The following UNC79 variants were observed in gnomAD, a reference collection of about 807,000 sequenced individuals.
The protein encoded by UNC79 is unc-79 subunit of NALCN channel complex.
A neutral mutation model predicts 283.1 loss-of-function variants in UNC79; 37 were observed. That is an observed-to-expected ratio of 0.13 (90% CI 0.10 to 0.17). UNC79 has a LOEUF of 0.17. Ranked by LOEUF, UNC79 falls within the 10% of genes least tolerant of loss-of-function variation. The probability of loss-of-function intolerance (pLI) is 1.00; values close to 1 mark genes in which losing one functional copy is unlikely to be tolerated. For missense variants in UNC79, 2,272 were observed against 3,211.1 expected, an observed-to-expected ratio of 0.71 and a Z score of 7.07; for synonymous variants, 1,107 against 1,200.2, an observed-to-expected ratio of 0.92 and a Z score of 1.61.
Position 93,340,799 on chromosome 14 carries a change from TG to T in UNC79, c.-351+7279del, listed in dbSNP as rs563425387. On this transcript the variant is annotated intron_variant, in intron 1 of 49. Coordinates refer to the UNC79 transcript ENST00000256339. The stretch of plus-strand genomic sequence containing the variant: ...GTTGCCCAGGCTGGTCTCAATCTCC[TG>T]GGCTCAAGCAATCTGCCCATCTCAG... Among the ~76,000 whole-genome samples, 1,431 of 152,210 alleles carry T rather than the reference TG, an allele frequency of 9.4e-3. 28 individuals carry two copies. Among genetic ancestry groups the T allele is most frequent in the African/African-American group, 0.033 (1,371 of 41,512 alleles).
chr14:93,694,305 T>C (rs373159495), intron 46 of UNC79, 30 bp from the exon 50 acceptor site: 119 of 1,597,992 alleles, frequency 7.4e-5, no homozygotes, highest in Non-Finnish European at 9.9e-5. Context: ...TCACTGGAAA[T>C]GGAATTAACT....
intron 12 of UNC79, 40 bp downstream of exon 12, chr14:93,538,258 A>G (rs2061181988): frequency 1.3e-6 from 2 of 1,494,036 alleles, no homozygotes; most frequent in Admixed American, 4.6e-5. Flanking sequence ...TGACAACTCC[A>G]CCTTGCTTTG....
chr14:93,372,588 G>A (rs773152254), intron 1 of UNC79, among the ~76,000 whole-genome samples: 9 of 152,308 alleles, frequency 5.9e-5, no homozygotes, highest in East Asian at 5.8e-4. Context: ...TGTGCATTAC[G>A]TAATGATAAA....
At chr14:93,700,508 C>T (rs2141041729) in intron 47 of UNC79, among the ~76,000 whole-genome samples, 1 of 152,012 alleles carries the variant, frequency 6.6e-6, no homozygotes, top group East Asian at 1.9e-4. Context: ...GATTTTTCTC[C>T]TCATTCGTGT....
intron 24 of UNC79, among the ~76,000 whole-genome samples, chr14:93,599,764 C>T (rs1340563730): frequency 6.6e-6 from 1 of 152,210 alleles, no homozygotes; most frequent in Non-Finnish European, 1.5e-5. Context: ...ATTCTATGTT[C>T]CACTCACATT....
intron 1 of UNC79, among the ~76,000 whole-genome samples, chr14:93,420,208 T>G (rs1243063919): frequency 6.7e-6 from 1 of 148,202 alleles, no homozygotes; most frequent in East Asian, 2.0e-4. Flanking sequence ...AATGATCTGT[T>G]GTCTACAAGA....
At chr14:93,479,133 A>G (rs1300893481) in intron 4 of UNC79, among the ~76,000 whole-genome samples, 1 of 152,036 alleles carries the variant, frequency 6.6e-6, no homozygotes. Flanking sequence ...ACTTAGGCAT[A>G]AGAATTTTTG....
intron 26 of UNC79, among the ~76,000 whole-genome samples, chr14:93,605,543 A>G (rs2065820498): frequency 6.6e-6 from 1 of 152,192 alleles, no homozygotes; most frequent in Non-Finnish European, 1.5e-5. Context: ...GGCATTGGCA[A>G]GGAGATTCCA....
chr14:93,706,022 G>C (rs2075856337), intron 48 of UNC79, among the ~76,000 whole-genome samples: 1 of 152,170 alleles, frequency 6.6e-6, no homozygotes, highest in Admixed American at 6.5e-5. Flanking sequence ...TGTGAAAAGA[G>C]AGTTTCTTGC....
At position 93,690,586 on chromosome 14, in the gene UNC79, G is replaced by A. The variant is rs937373447; in HGVS notation, c.7272+283G>A. Reference sequence around the variant, plus strand: ...GGCATTTCTGTCTCAAAATAATGAAGAGAAATAAAAGGCTAGAAATATAAT... The same window carrying A: ...GGCATTTCTGTCTCAAAATAATGAAAAGAAATAAAAGGCTAGAAATATAAT... On this transcript the variant is annotated intron_variant, in intron 45 of 48. Coordinates refer to ENST00000555664, the Ensembl canonical transcript of UNC79. The surrounding 1 kb of genome is among the most constrained non-coding windows in gnomAD (Gnocchi z 4.3). 2.8e-6 allele frequency: 1 copy of A among 360,524 alleles called. No homozygotes were observed. Among genetic ancestry groups the A allele is most frequent in the Non-Finnish European group, 5.0e-6 (1 of 201,768 alleles). The allele number at this position is 360,524 out of a possible 1,614,324, so 22.3% of individuals were successfully genotyped here.
chr14:93,464,474 C>G, intron 1 of UNC79: 1 of 454,728 alleles, frequency 2.2e-6, no homozygotes, highest in Admixed American at 2.4e-5. Flanking sequence ...ACCACGGAAA[C>G]GGCCTCATTT....
At chr14:93,464,758 C>G (rs2057097362) in intron 1 of UNC79, among the ~76,000 whole-genome samples, 1 of 152,106 alleles carries the variant, frequency 6.6e-6, no homozygotes, top group Non-Finnish European at 1.5e-5. Flanking sequence ...ATTATTCGAG[C>G]CTCCGCAGCA....
intron 14 of UNC79, among the ~76,000 whole-genome samples, chr14:93,546,268 G>A (rs1439298182): frequency 1.3e-5 from 2 of 152,130 alleles, no homozygotes; most frequent in Admixed American, 1.3e-4. Flanking sequence ...TTTTGGAGAA[G>A]GGCTACTATC....
intron 1 of UNC79, among the ~76,000 whole-genome samples, chr14:93,385,952 G>C (rs375195962): frequency 1.3e-5 from 2 of 151,918 alleles, no homozygotes; most frequent in East Asian, 3.9e-4. Flanking sequence ...TTCCAACTTG[G>C]ATGCCCTTTA....
chr14:93,366,720 G>A (rs901104335), intron 1 of UNC79, among the ~76,000 whole-genome samples: 3 of 151,804 alleles, frequency 2.0e-5, no homozygotes, highest in South Asian at 2.1e-4. Context: ...TCATAGGCGC[G>A]CAACACCACG....
At chr14:93,355,047 T>TTA (rs1555398314) in intron 1 of UNC79, among the ~76,000 whole-genome samples, 16 of 150,614 alleles carry the variant, frequency 1.1e-4, no homozygotes, top group African/African-American at 2.5e-4. Flanking sequence ...TTTTTTTTTT[T>TTA]GACAGAGTTT....
chr14:93,583,372 T>TC (rs1284582805), intron 20 of UNC79, among the ~76,000 whole-genome samples: 1 of 151,876 alleles, frequency 6.6e-6, no homozygotes, highest in Non-Finnish European at 1.5e-5. Context: ...GGGAGCCCAC[T>TC]CCAGTATCAG....
At chr14:93,476,583 G>A (rs1213197507) in intron 3 of UNC79, among the ~76,000 whole-genome samples, 1 of 152,148 alleles carries the variant, frequency 6.6e-6, no homozygotes, top group East Asian at 1.9e-4. Flanking sequence ...ACGACAATCA[G>A]AAATAACATT....
rs573672325 is a variant in UNC79 at position 93,688,291 on chromosome 14, C to A, written c.6910-374C>A. Among the ~76,000 whole-genome samples, 1 of 152,078 alleles carries A rather than the reference C, an allele frequency of 6.6e-6. No individual in the cohort carries two copies. On this transcript the variant is annotated intron_variant, in intron 43 of 48. Transcript: ENST00000555664. This position sits in a 1 kb window ranked among gnomAD's most constrained non-coding sequence, Gnocchi z 4.0. ...AGGCAGAAGGCAGCACGGACCTGGC[C>A]GGGGAGGTCAGGGAAGGCTTCCCAG...
Sources: gnomAD v4.1 joint callset for allele counts (sites outside exome capture counted in the v4.1 genomes callset) on GRCh38, gnomAD v4.1.1 for gene constraint, Gnocchi (gnomAD v3.1) non-coding constraint, MANE v1.5 for transcripts, NCBI Gene and HGNC (gene_info 2026-07-23, HGNC 2026-07-21) for gene names.